The following IMMP2L variants were observed in gnomAD, a reference collection of about 807,000 sequenced individuals.
The protein encoded by IMMP2L is mitochondrial inner membrane protease subunit 2.
In IMMP2L, 18 loss-of-function variants were observed where a neutral mutation model predicts 19.3. That is an observed-to-expected ratio of 0.93 (90% confidence interval 0.64 to 1.38). The LOEUF (loss-of-function observed/expected upper bound fraction) is 1.38, where lower values mean the gene tolerates loss of function less well. IMMP2L is among the 40% of genes most tolerant of loss of function. The probability of loss-of-function intolerance (pLI) is 0.00; values close to 1 mark genes in which losing one functional copy is unlikely to be tolerated. For missense variants in IMMP2L, 233 were observed against 218.2 expected, an observed-to-expected ratio of 1.07 and a Z score of -0.43; for synonymous variants, 76 against 73.0, an observed-to-expected ratio of 1.04 and a Z score of -0.21.
intron 3 of IMMP2L, among the ~76,000 whole-genome samples, chr7:111,468,639 T>C (rs1840911909): frequency 6.6e-6 from 1 of 152,096 alleles, no homozygotes; most frequent in African/African-American, 2.4e-5. Context: ...AGTGATATTA[T>C]CCAAATCATG....
At chr7:111,308,295 C>A (rs1261253393) in intron 3 of IMMP2L, among the ~76,000 whole-genome samples, 2 of 151,608 alleles carry the variant, frequency 1.3e-5, no homozygotes, top group Non-Finnish European at 2.9e-5. Flanking sequence ...TAAGGGTAAA[C>A]AAATAAAATC....
intron 3 of IMMP2L, among the ~76,000 whole-genome samples, chr7:111,167,649 C>G (rs530183576): frequency 6.6e-6 from 1 of 151,766 alleles, no homozygotes. Context: ...TTATCTTCAC[C>G]GGGATATAAT....
At chr7:111,542,406 T>C (rs1356895168) in intron 1 of IMMP2L, among the ~76,000 whole-genome samples, 1 of 152,142 alleles carries the variant, frequency 6.6e-6, no homozygotes, top group Non-Finnish European at 1.5e-5. Context: ...ATTTAATCTC[T>C]ACATTAACCT....
Position 110,983,798 on chromosome 7 carries a change from G to A in IMMP2L, c.240-20233C>T, listed in dbSNP as rs1585586764. Reference sequence around the variant, plus strand: ...GTCCACATACATTCAGTAGTATCAAGGGAAGAGAATGGGAAAAAGGCTATT... The same window carrying A: ...GTCCACATACATTCAGTAGTATCAAAGGAAGAGAATGGGAAAAAGGCTATT... On this transcript the variant is annotated intron_variant, in intron 3 of 5. Coordinates refer to ENST00000405709, the MANE Select transcript of IMMP2L (RefSeq NM_032549.4). Among the ~76,000 whole-genome samples, 3 of 151,886 alleles carry A rather than the reference G, an allele frequency of 2.0e-5. No homozygotes were observed. The East Asian group carries it at 5.8e-4, about 29-fold the overall frequency.
At chr7:111,058,682 C>T (rs192711468) in intron 3 of IMMP2L, among the ~76,000 whole-genome samples, 8 of 152,274 alleles carry the variant, frequency 5.3e-5, no homozygotes, top group African/African-American at 1.9e-4. Flanking sequence ...ATTATATCAG[C>T]ATATAGAAAC....
At chr7:110,867,071 C>T (rs1407196423) in intron 5 of IMMP2L, among the ~76,000 whole-genome samples, 2 of 151,978 alleles carry the variant, frequency 1.3e-5, no homozygotes, top group East Asian at 2.0e-4. Context: ...TATCACTATG[C>T]ACTTGTATTA....
chr7:111,531,837 AT>A (rs1265567410), intron 1 of IMMP2L, among the ~76,000 whole-genome samples: 1 of 152,136 alleles, frequency 6.6e-6, no homozygotes, highest in East Asian at 1.9e-4. Context: ...CCATAAGTCC[AT>A]TTTTTCTTGA....
chr7:111,252,029 T>C (rs1368656726), intron 3 of IMMP2L, among the ~76,000 whole-genome samples: 3 of 151,850 alleles, frequency 2.0e-5, no homozygotes, highest in Admixed American at 6.6e-5. Context: ...AAAATTGACA[T>C]GAACAGAAAA....
At chr7:111,313,068 T>C (rs1302213966) in intron 3 of IMMP2L, among the ~76,000 whole-genome samples, 1 of 152,140 alleles carries the variant, frequency 6.6e-6, no homozygotes, top group Non-Finnish European at 1.5e-5. Context: ...GAAAAACTTC[T>C]ACAGGTGCCA....
chr7:111,528,733 T>C (rs780082151), intron 1 of IMMP2L, among the ~76,000 whole-genome samples: 1 of 152,216 alleles, frequency 6.6e-6, no homozygotes, highest in African/African-American at 2.4e-5. Context: ...CAAGTCATCC[T>C]AATTATAAAA....
At chr7:111,546,738 T>C (rs1848965803) in intron 1 of IMMP2L, among the ~76,000 whole-genome samples, 1 of 152,114 alleles carries the variant, frequency 6.6e-6, no homozygotes, top group Admixed American at 6.6e-5. Flanking sequence ...ATCACCTTGA[T>C]TCAAAAATTA....
intron 3 of IMMP2L, among the ~76,000 whole-genome samples, chr7:110,974,931 A>G (rs146226068): frequency 4.2e-4 from 64 of 152,310 alleles, no homozygotes; most frequent in African/African-American, 1.5e-3. Context: ...ATCTTTTACA[A>G]TTATAATTCC....
intron 3 of IMMP2L, among the ~76,000 whole-genome samples, chr7:110,996,920 A>G (rs2129560521): frequency 6.6e-6 from 1 of 152,180 alleles, no homozygotes; most frequent in South Asian, 2.1e-4. Context: ...GTTGGTGTGC[A>G]TGCTGAGTTC....
intron 3 of IMMP2L, among the ~76,000 whole-genome samples, chr7:111,119,835 G>T (rs1438063323): frequency 6.6e-6 from 1 of 152,172 alleles, no homozygotes; most frequent in Non-Finnish European, 1.5e-5. Flanking sequence ...AAGGATCAAG[G>T]AAATGCCTGA....
chr7:111,281,202 GAAAGAA>G (rs1819777981), intron 3 of IMMP2L, among the ~76,000 whole-genome samples: 1 of 42,326 alleles, frequency 2.4e-5, no homozygotes, highest in African/African-American at 8.0e-5. Flanking sequence ...AAGAAAGAAA[GAAAGAA>G]AGAAAGAAAA....
At chr7:110,747,064 A>T (rs1049328380) in intron 5 of IMMP2L, among the ~76,000 whole-genome samples, 1 of 152,298 alleles carries the variant, frequency 6.6e-6, no homozygotes, top group Admixed American at 6.5e-5. Flanking sequence ...AAAATGATAA[A>T]GGGGATACCA....
intron 3 of IMMP2L, among the ~76,000 whole-genome samples, chr7:111,375,314 C>CA (rs376531431): frequency 3.0e-4 from 44 of 145,772 alleles, no homozygotes; most frequent in South Asian, 6.5e-4. Flanking sequence ...TATCTGCCAC[C>CA]AAAAAAAAAA....
intron 4 of IMMP2L, among the ~76,000 whole-genome samples, chr7:110,959,934 C>G (rs993976099): frequency 6.6e-6 from 1 of 151,968 alleles, no homozygotes; most frequent in Non-Finnish European, 1.5e-5. Flanking sequence ...ACAACTTGTA[C>G]TTTTCCTCAG....
chr7:111,537,548 T>G (rs867751604), intron 1 of IMMP2L, among the ~76,000 whole-genome samples: 68 of 145,432 alleles, frequency 4.7e-4, no homozygotes, highest in African/African-American at 1.6e-3. Flanking sequence ...TTTTTTTTTT[T>G]TTTTTGAGAC....
Sources: allele counts gnomAD v4.1 joint callset (sites outside exome capture counted in the v4.1 genomes callset), GRCh38; gene constraint gnomAD v4.1.1; transcripts MANE v1.5; gene names NCBI Gene and HGNC (gene_info 2026-07-23, HGNC 2026-07-21).